Variants in KANK1 observed in about 807,000 individuals in gnomAD.
KANK1 encodes the protein KN motif and ankyrin repeat domains 1.
A neutral mutation model predicts 106.2 loss-of-function variants in KANK1; 109 were observed. The observed-to-expected ratio is 1.03, with a 90% CI of 0.88 to 1.20. The LOEUF (loss-of-function observed/expected upper bound fraction) is 1.20, where lower values mean the gene tolerates loss of function less well. KANK1 is among the 50% of genes most tolerant of loss of function. KANK1 has a pLI of 0.00. For synonymous variants in KANK1, 873 were observed against 652.2 expected, an observed-to-expected ratio of 1.34 and a Z score of -5.16; for missense variants, 2,399 against 1,710.7, an observed-to-expected ratio of 1.40 and a Z score of -7.10.
chr9:502,044 A>G (rs138084238), upstream of KANK1, among the ~76,000 whole-genome samples: 386 of 152,378 alleles, frequency 2.5e-3, 2 homozygotes, highest in African/African-American at 9.0e-3. Flanking sequence ...ACTGAAACAT[A>G]CTACAGCATG....
intron 3 of KANK1, among the ~76,000 whole-genome samples, chr9:474,192 A>ACCT (rs998837823): frequency 1.3e-5 from 2 of 152,218 alleles, no homozygotes; most frequent in Non-Finnish European, 1.5e-5. Flanking sequence ...CATGGTGATG[A>ACCT]ACACATCACT....
chr9:705,903 A>G (rs1824006513), intron 2 of KANK1, among the ~76,000 whole-genome samples: 1 of 152,086 alleles, frequency 6.6e-6, no homozygotes, highest in African/African-American at 2.4e-5. Context: ...GCTCTCCAAA[A>G]AAAATTTTTT....
intron 1 of KANK1, among the ~76,000 whole-genome samples, chr9:555,029 C>G (rs1377417255): frequency 6.6e-6 from 1 of 152,150 alleles, no homozygotes; most frequent in Admixed American, 6.6e-5. Flanking sequence ...ATCCGTTTGC[C>G]CAGTCAAGTT....
intron 1 of KANK1, among the ~76,000 whole-genome samples, chr9:652,482 C>T (rs1841122931): frequency 6.6e-6 from 1 of 152,160 alleles, no homozygotes. Flanking sequence ...GAGATCGTGC[C>T]ATTGCACTCC....
intron 3 of KANK1, among the ~76,000 whole-genome samples, chr9:480,293 G>A (rs1381398888): frequency 1.3e-5 from 2 of 152,200 alleles, no homozygotes; most frequent in Non-Finnish European, 2.9e-5. Context: ...TGATGGGCTA[G>A]ACAGATGTGT....
intron 3 of KANK1, among the ~76,000 whole-genome samples, chr9:718,405 C>T (rs779642448): frequency 6.7e-6 from 1 of 149,422 alleles, no homozygotes; most frequent in Non-Finnish European, 1.5e-5. Context: ...CTGAACTTCC[C>T]GAGCTCTAAC....
At chr9:599,466 A>G (rs1371735536) in intron 1 of KANK1, among the ~76,000 whole-genome samples, 1 of 151,908 alleles carries the variant, frequency 6.6e-6, no homozygotes, top group Non-Finnish European at 1.5e-5. Context: ...ATGCATTTAT[A>G]TACAAACATA....
rs995175818 is a variant in KANK1, at chr9:732,484, G to A, written c.3112G>A (p.Glu1038Lys). Residue 1038 changes from glutamate (E) to lysine (K), a missense_variant, in exon 6 of 12, where the codon GAG becomes AAG. Transcript: ENST00000382297. ...GTATCCTCTTGAAGAAGAGGAGGAG[G>A]AGGAGGATGAAGACACTCGGGGAAT... ...IEYPLEEEEEEEDEDTRGMAE... is the reference protein window; with the variant it reads ...IEYPLEEEEEKEDEDTRGMAE... The A allele has an allele frequency of 1.2e-6, 2 of 1,614,120 alleles. No individual in the cohort carries two copies. The highest frequency in any genetic ancestry group is 2.2e-5 in the East Asian group (1 of 44,886).
At chr9:637,827 A>G (rs566212807) in intron 1 of KANK1, among the ~76,000 whole-genome samples, 11 of 152,290 alleles carry the variant, frequency 7.2e-5, no homozygotes, top group African/African-American at 2.6e-4. Context: ...ACTGGGACAG[A>G]TGGGAAATTG....
intron 1 of KANK1, among the ~76,000 whole-genome samples, chr9:519,511 C>G (rs1483205051): frequency 1.3e-5 from 2 of 151,728 alleles, no homozygotes; most frequent in East Asian, 3.9e-4. Flanking sequence ...CTTTTTTAAG[C>G]AATCATTTGT....
chr9:586,934 C>T (rs1823630683), intron 1 of KANK1, among the ~76,000 whole-genome samples: 1 of 152,192 alleles, frequency 6.6e-6, no homozygotes, highest in Non-Finnish European at 1.5e-5. Flanking sequence ...AGTATTGATT[C>T]CCCTCTCCTG....
rs1472470700 is a variant in KANK1, at chr9:676,855, G to T, written c.-83-35G>T. ...GATTTAGTTTGTACATTTTTTAAAT[G>T]ATCCATTTTGATGGGGCTCTCTTTA... On this transcript the variant is annotated intron_variant, in intron 1 of 11. Transcript: ENST00000382297. The T allele has an allele frequency of 9.5e-6, 7 of 736,726 alleles. No individual in the cohort carries two copies. The Admixed American group carries it at 1.2e-4, about 12-fold the overall frequency. 45.6% of individuals were successfully genotyped at this position (736,726 alleles called of 1,614,324 possible). A position where few individuals can be genotyped will look rare whatever the true frequency, so the allele number is the denominator to read the frequency against.
At chr9:647,782 A>C (rs1247217881) in intron 1 of KANK1, among the ~76,000 whole-genome samples, 1 of 150,686 alleles carries the variant, frequency 6.6e-6, no homozygotes, top group African/African-American at 2.5e-5. Flanking sequence ...TCTGGCTCAC[A>C]CTTATATATA....
intron 1 of KANK1, among the ~76,000 whole-genome samples, chr9:642,963 T>A (rs770428806): frequency 6.6e-6 from 1 of 150,734 alleles, no homozygotes; most frequent in Non-Finnish European, 1.5e-5. Flanking sequence ...CTAAGTAATT[T>A]ATCTCCTTTT....
chr9:623,648 G>A (rs1047469855), intron 1 of KANK1, among the ~76,000 whole-genome samples: 5 of 151,524 alleles, frequency 3.3e-5, no homozygotes, highest in African/African-American at 1.2e-4. Context: ...AATGGTGCTT[G>A]ACATCACTAA....
intron 1 of KANK1, among the ~76,000 whole-genome samples, chr9:637,027 A>T (rs1837309094): frequency 6.6e-6 from 1 of 152,096 alleles, no homozygotes; most frequent in South Asian, 2.1e-4. Flanking sequence ...TTTATCTAGT[A>T]CTTTATTGAT....
rs766838429 is a variant in KANK1, at chr9:710,873, C to T, written c.107C>T (p.Pro36Leu). The T allele has an allele frequency of 1.5e-5, 25 of 1,613,818 alleles. No individual in the cohort carries two copies. In the Admixed American group the frequency reaches 3.2e-4, roughly 20 times the overall value. ...EQKDPYFVET[P>L]YGYQLDLDFL... ...AAAGACCCTTACTTTGTGGAGACCC[C>T]CTATGGTTATCAACTAGACTTAGAT... Residue 36 changes from proline (P) to leucine (L), a missense_variant, in exon 3 of 12, where the codon CCC (proline) becomes CTC (leucine). Physicochemically the swap from Pro to Leu is moderately conservative, Grantham distance 98. Coordinates refer to ENST00000382297, the MANE Select transcript of KANK1 (RefSeq NM_015158.5).
intron 3 of KANK1, among the ~76,000 whole-genome samples, chr9:474,674 C>T (rs1044377479): frequency 6.6e-6 from 1 of 152,210 alleles, no homozygotes; most frequent in South Asian, 2.1e-4. Context: ...CCTCTCACTA[C>T]CCATGGCCAC....
chr9:678,088 T>G (rs4742226), intron 2 of KANK1, among the ~76,000 whole-genome samples: 78,034 of 151,934 alleles, frequency 0.51, 21,868 homozygotes, highest in African/African-American at 0.73. Flanking sequence ...TCAGCTGCAA[T>G]TATCTCCTCT....
Sources: gnomAD v4.1 joint callset for allele counts (sites outside exome capture counted in the v4.1 genomes callset) on GRCh38, gnomAD v4.1.1 for gene constraint, MANE v1.5 for transcripts, NCBI Gene and HGNC (gene_info 2026-07-23, HGNC 2026-07-21) for gene names.